The following CAPZB variants were observed in gnomAD, a reference collection of about 807,000 sequenced individuals.
CAPZB encodes F-actin-capping protein subunit beta.
Under a neutral mutation model 38.1 loss-of-function variants are expected in CAPZB, and 2 were observed. That is an observed-to-expected ratio of 0.05 (90% CI 0.02 to 0.17). The LOEUF (loss-of-function observed/expected upper bound fraction) is 0.17, where lower values mean the gene tolerates loss of function less well. Ranked by LOEUF, CAPZB falls within the 10% of genes least tolerant of loss-of-function variation. The pLI is 1.00. For synonymous variants in CAPZB, 107 were observed against 127.4 expected (o/e 0.84, Z 1.08); for missense variants, 161 against 334.2 (o/e 0.48, Z 4.04).
intron 1 of CAPZB, among the ~76,000 whole-genome samples, chr1:19,420,695 T>A (rs772453711): frequency 1.3e-5 from 2 of 151,968 alleles, no homozygotes; most frequent in Non-Finnish European, 2.9e-5. Flanking sequence ...CCTCCCAAAG[T>A]GCCGGGATTA....
chr1:19,467,614 C>T (rs2094573155), intron 1 of CAPZB, among the ~76,000 whole-genome samples: 1 of 152,186 alleles, frequency 6.6e-6, no homozygotes, highest in Non-Finnish European at 1.5e-5. Flanking sequence ...CTCCCTCTAT[C>T]CCAGTATGTG....
chr1:19,461,171 G>C (rs1208047944), intron 1 of CAPZB, among the ~76,000 whole-genome samples: 1 of 152,110 alleles, frequency 6.6e-6, no homozygotes, highest in Non-Finnish European at 1.5e-5. Context: ...TTAGTGGATG[G>C]GAGAATGGAT....
chr1:19,362,500 G>A (rs2094058833), intron 4 of CAPZB, among the ~76,000 whole-genome samples: 3 of 152,114 alleles, frequency 2.0e-5, no homozygotes, highest in South Asian at 2.1e-4. Flanking sequence ...GATTACAGGC[G>A]TGAGCCACCA....
At chr1:19,373,647 C>CTT (rs2094130625) in intron 4 of CAPZB, among the ~76,000 whole-genome samples, 1 of 152,002 alleles carries the variant, frequency 6.6e-6, no homozygotes, top group Admixed American at 6.6e-5. Context: ...TCAAGCCTAT[C>CTT]TCTTTACCAA....
At chr1:19,381,290 C>CCCT (rs1177999081) in intron 3 of CAPZB, among the ~76,000 whole-genome samples, 1 of 147,860 alleles carries the variant, frequency 6.8e-6, no homozygotes, top group Non-Finnish European at 1.5e-5. Context: ...ACCAACCACT[C>CCCT]CCTCCTCCCT....
chr1:19,364,942 G>C (rs1003427815), intron 4 of CAPZB, among the ~76,000 whole-genome samples: 8 of 151,884 alleles, frequency 5.3e-5, no homozygotes, highest in African/African-American at 1.9e-4. Context: ...GACATTCTGG[G>C]CTCAAGTGAT....
intron 1 of CAPZB, among the ~76,000 whole-genome samples, chr1:19,441,952 T>C (rs1355935074): frequency 7.2e-6 from 1 of 138,300 alleles, no homozygotes; most frequent in Non-Finnish European, 1.5e-5. Flanking sequence ...GAGGTTGCAG[T>C]GCGCTGAGAT....
chr1:19,413,201 G>A (rs1201985206), intron 2 of CAPZB, among the ~76,000 whole-genome samples: 1 of 152,192 alleles, frequency 6.6e-6, no homozygotes, highest in Admixed American at 6.5e-5. Flanking sequence ...TTGACCCGTG[G>A]AGGAGAAGGC....
chr1:19,422,895 A>C (rs2094407113), intron 1 of CAPZB, among the ~76,000 whole-genome samples: 1 of 152,220 alleles, frequency 6.6e-6, no homozygotes, highest in Admixed American at 6.5e-5. Context: ...ATCCAGACAG[A>C]ACACAGAAGG....
intron 4 of CAPZB, among the ~76,000 whole-genome samples, chr1:19,374,939 T>C (rs931208402): frequency 1.3e-5 from 2 of 152,200 alleles, no homozygotes; most frequent in African/African-American, 4.8e-5. Flanking sequence ...GATGGCCTAC[T>C]GCCTCTCCAC....
intron 1 of CAPZB, among the ~76,000 whole-genome samples, chr1:19,469,577 G>C (rs1026998642): frequency 7.9e-5 from 12 of 152,074 alleles, no homozygotes; most frequent in South Asian, 2.1e-4. Flanking sequence ...GGATGAGTCA[G>C]CTCAGAGGGC....
intron 1 of CAPZB, among the ~76,000 whole-genome samples, chr1:19,436,315 A>G (rs2094457994): frequency 6.6e-6 from 1 of 152,148 alleles, no homozygotes. Context: ...GTCACTCAGG[A>G]GCCAGCTCGG....
intron 8 of CAPZB, among the ~76,000 whole-genome samples, chr1:19,340,825 C>T (rs1406161181): frequency 2.0e-5 from 3 of 152,192 alleles, no homozygotes; most frequent in Non-Finnish European, 4.4e-5. Context: ...GCAAAGACTT[C>T]CTAAATGTAG....
At chr1:19,463,592 G>C (rs910797677) in intron 1 of CAPZB, among the ~76,000 whole-genome samples, 1 of 152,210 alleles carries the variant, frequency 6.6e-6, no homozygotes, top group African/African-American at 2.4e-5. Flanking sequence ...GAACTGCCCA[G>C]GGTGCCAGCC....
intron 1 of CAPZB, among the ~76,000 whole-genome samples, chr1:19,445,072 T>C (rs1167656695): frequency 6.6e-6 from 1 of 152,104 alleles, no homozygotes; most frequent in Non-Finnish European, 1.5e-5. Flanking sequence ...CCACGAGATC[T>C]TTGACACAAA....
intron 1 of CAPZB, among the ~76,000 whole-genome samples, chr1:19,425,554 T>C (rs561238659): frequency 2.0e-5 from 3 of 152,338 alleles, no homozygotes; most frequent in Admixed American, 2.0e-4. Flanking sequence ...GGGGGTTTTT[T>C]GTGTTATTTT....
chr1:19,436,374 C>T (rs1415006530), intron 1 of CAPZB, among the ~76,000 whole-genome samples: 1 of 152,156 alleles, frequency 6.6e-6, no homozygotes, highest in Non-Finnish European at 1.5e-5. Flanking sequence ...TCAAGTTACC[C>T]TTATTTTGCT....
At chr1:19,433,883 C>T (rs1188176286) in intron 1 of CAPZB, among the ~76,000 whole-genome samples, 1 of 151,286 alleles carries the variant, frequency 6.6e-6, no homozygotes, top group African/African-American at 2.4e-5. Context: ...AACTCTATTA[C>T]AGCACCACGC....
intron 2 of CAPZB, among the ~76,000 whole-genome samples, chr1:19,411,435 C>T (rs1310778004): frequency 6.6e-6 from 1 of 152,054 alleles, no homozygotes; most frequent in Non-Finnish European, 1.5e-5. Context: ...AAATTCAAGC[C>T]CCTTCCCCTA....
Sources: allele counts gnomAD v4.1 joint callset (sites outside exome capture counted in the v4.1 genomes callset), GRCh38; gene constraint gnomAD v4.1.1; transcripts MANE v1.5; gene names NCBI Gene and HGNC (gene_info 2026-07-23, HGNC 2026-07-21).